Variants in NKAIN3 observed in about 807,000 individuals in gnomAD.
NKAIN3 encodes sodium/potassium transporting ATPase interacting 3, also known as sodium/potassium-transporting ATPase subunit beta-1-interacting protein 3.
A neutral mutation model predicts 30.2 loss-of-function variants in NKAIN3; 25 were observed. That is an observed-to-expected ratio of 0.83 (90% confidence interval 0.60 to 1.16). The LOEUF is 1.16. Among genes scored for constraint, NKAIN3 ranks in the 50% most tolerant of loss-of-function variants. The pLI, the probability that NKAIN3 is intolerant of heterozygous loss-of-function variation, is 0.00. For missense variants in NKAIN3, 225 were observed against 254.1 expected, an observed-to-expected ratio of 0.89 and a Z score of 0.78; for synonymous variants, 91 against 89.6, an observed-to-expected ratio of 1.02 and a Z score of -0.09.
At position 62,975,323 on chromosome 8, in the gene NKAIN3, T is replaced by C. The variant is rs572765847; in HGVS notation, c.*9916T>C. Among the ~76,000 whole-genome samples, 180 of 152,294 alleles carry C rather than the reference T, an allele frequency of 1.2e-3. 1 individual carries two copies. Among genetic ancestry groups the C allele is most frequent in the African/African-American group, 4.2e-3 (176 of 41,570 alleles). ...TTTTTTTAGTTGGTCAGCTATTAAT[T>C]ACTGCCTCAATTTCAGAACTTGTTA... On this transcript the variant is annotated 3_prime_UTR_variant, in exon 7 of 7. Coordinates refer to ENST00000623646, the MANE Select transcript of NKAIN3 (RefSeq NM_001304533.3).
At chr8:62,885,353 A>G (rs542104759) in intron 4 of NKAIN3, among the ~76,000 whole-genome samples, 2 of 152,306 alleles carry the variant, frequency 1.3e-5, no homozygotes, top group Admixed American at 6.5e-5. Context: ...CAGACATTGT[A>G]TGATTTGTAT....
At chr8:62,415,109 T>G (rs1445340778) in intron 1 of NKAIN3, among the ~76,000 whole-genome samples, 1 of 130,432 alleles carries the variant, frequency 7.7e-6, no homozygotes, top group African/African-American at 2.7e-5. Flanking sequence ...ATAATATATA[T>G]TATGTATAAT....
intron 1 of NKAIN3, among the ~76,000 whole-genome samples, chr8:62,390,470 A>T (rs13250226): frequency 6.6e-6 from 1 of 151,940 alleles, no homozygotes; most frequent in Non-Finnish European, 1.5e-5. Flanking sequence ...GATTGATTTC[A>T]TGTTTGGCTA....
At chr8:62,697,095 G>A (rs753863273) in intron 3 of NKAIN3, among the ~76,000 whole-genome samples, 5 of 152,150 alleles carry the variant, frequency 3.3e-5, no homozygotes, top group Admixed American at 6.5e-5. Flanking sequence ...ACTGCAGCAG[G>A]CGTAATCCTT....
chr8:62,450,576 A>T (rs1234971757), intron 1 of NKAIN3, among the ~76,000 whole-genome samples: 1 of 152,210 alleles, frequency 6.6e-6, no homozygotes, highest in African/African-American at 2.4e-5. Context: ...GTGAGGGAGT[A>T]CTATTACTAT....
At chr8:62,930,692 G>C (rs1298191942) in intron 5 of NKAIN3, among the ~76,000 whole-genome samples, 1 of 150,730 alleles carries the variant, frequency 6.6e-6, no homozygotes, top group Non-Finnish European at 1.5e-5. Context: ...ATTGTAGCAT[G>C]TATCAGAATT....
chr8:62,424,321 C>A lies in NKAIN3; in HGVS notation c.55-155218C>A, dbSNP rs947500916. On this transcript the variant is annotated intron_variant, in intron 1 of 6. Coordinates refer to ENST00000623646, the MANE Select transcript of NKAIN3 (RefSeq NM_001304533.3). Reference sequence around the variant, plus strand: ...AAGCAAATATAGACAAATGGGACTACATTAAACAAAAGAAAACATTTAACA... The same window carrying A: ...AAGCAAATATAGACAAATGGGACTAAATTAAACAAAAGAAAACATTTAACA... 2.0e-5 allele frequency among the ~76,000 whole-genome samples: 3 copies of A among 151,858 alleles called. No homozygotes were observed. The South Asian group carries it at 6.2e-4, about 32-fold the overall frequency.
At chr8:62,988,318 A>G (rs1423638756), downstream of NKAIN3, among the ~76,000 whole-genome samples, 1 of 152,240 alleles carries the variant, frequency 6.6e-6, no homozygotes, top group Non-Finnish European at 1.5e-5. Flanking sequence ...GCAGTGCCTC[A>G]GTGGGCACCT....
intron 2 of NKAIN3, among the ~76,000 whole-genome samples, chr8:62,588,868 T>G (rs186732113): frequency 6.6e-6 from 1 of 151,934 alleles, no homozygotes; most frequent in Admixed American, 6.6e-5. Flanking sequence ...TCATCCTAGC[T>G]GGTCTGTATG....
intron 5 of NKAIN3, among the ~76,000 whole-genome samples, chr8:62,937,140 T>C (rs547339229): frequency 2.7e-4 from 41 of 152,278 alleles, no homozygotes; most frequent in African/African-American, 9.4e-4. Flanking sequence ...AAAACTATTC[T>C]TGACCACATT....
At chr8:62,876,463 G>A (rs1414466256) in intron 4 of NKAIN3, among the ~76,000 whole-genome samples, 1 of 152,100 alleles carries the variant, frequency 6.6e-6, no homozygotes, top group African/African-American at 2.4e-5. Flanking sequence ...CCATTACTGG[G>A]TATATACCCA....
intron 5 of NKAIN3, among the ~76,000 whole-genome samples, chr8:62,940,650 A>G (rs1293732676): frequency 1.3e-5 from 2 of 152,162 alleles, no homozygotes; most frequent in African/African-American, 2.4e-5. Context: ...GAAATTAAAT[A>G]ATCTGCTCCT....
chr8:62,522,382 A>G (rs1687932323), intron 1 of NKAIN3, among the ~76,000 whole-genome samples: 1 of 152,142 alleles, frequency 6.6e-6, no homozygotes, highest in Admixed American at 6.6e-5. Flanking sequence ...AAAATACTTG[A>G]TAATGATAGT....
intron 1 of NKAIN3, among the ~76,000 whole-genome samples, chr8:62,573,470 T>C (rs572799572): frequency 6.6e-6 from 1 of 152,278 alleles, no homozygotes; most frequent in African/African-American, 2.4e-5. Context: ...ATGCTTTCGT[T>C]ATGTATATGA....
chr8:62,982,642 C>A lies in NKAIN3; in HGVS notation c.*17235C>A, dbSNP rs117671903. The stretch of plus-strand genomic sequence containing the variant: ...AAGATTGTGAGTCCTGACATGAGTT[C>A]TCTAGAATTTTCCCCTTTGATAAAT... On this transcript the variant is annotated 3_prime_UTR_variant, in exon 7 of 7. Coordinates refer to ENST00000623646, the MANE Select transcript of NKAIN3 (RefSeq NM_001304533.3). 4 of 152,292 alleles carry A rather than the reference C, an allele frequency of 2.6e-5. No individual in the cohort carries two copies. In the East Asian group the frequency reaches 7.7e-4, roughly 29 times the overall value. The allele number at this position is 152,292 out of a possible 1,614,324, so 9.4% of individuals were successfully genotyped here.
At chr8:62,886,221 A>G (rs1331006866) in intron 4 of NKAIN3, among the ~76,000 whole-genome samples, 1 of 151,826 alleles carries the variant, frequency 6.6e-6, no homozygotes, top group Non-Finnish European at 1.5e-5. Context: ...TTTCATGTCC[A>G]CTTTCAAATA....
chr8:62,568,841 G>A (rs955744126), intron 1 of NKAIN3, among the ~76,000 whole-genome samples: 1 of 152,130 alleles, frequency 6.6e-6, no homozygotes, highest in Admixed American at 6.6e-5. Context: ...AATTCAAGTA[G>A]CCTTTTCAAA....
At chr8:62,281,973 C>A (rs887290124) in intron 1 of NKAIN3, among the ~76,000 whole-genome samples, 1 of 149,782 alleles carries the variant, frequency 6.7e-6, no homozygotes, top group Non-Finnish European at 1.5e-5. Context: ...CACCTAAATT[C>A]TCTGTCCTCC....
At position 62,442,315 on chromosome 8, in the gene NKAIN3, G is replaced by A. The variant is rs138145975; in HGVS notation, c.55-137224G>A. Reference sequence around the variant, plus strand: ...TCTATTCATTAGGCTAATATTACTAGTTTTGGCATTTTATATTTTTCTAGA... The same window carrying A: ...TCTATTCATTAGGCTAATATTACTAATTTTGGCATTTTATATTTTTCTAGA... On this transcript the variant is annotated intron_variant, in intron 1 of 6. Transcript: ENST00000623646. Among the ~76,000 whole-genome samples the A allele has an allele frequency of 1.1e-4, 17 of 151,912 alleles. 1 individual carries two copies. The highest frequency in any genetic ancestry group is 3.1e-4 in the African/African-American group (13 of 41,502).
Sources: allele counts gnomAD v4.1 joint callset (sites outside exome capture counted in the v4.1 genomes callset), GRCh38; gene constraint gnomAD v4.1.1; transcripts MANE v1.5; gene names NCBI Gene and HGNC (gene_info 2026-07-23, HGNC 2026-07-21).